The following ITPKB variants were observed in gnomAD, a reference collection of about 807,000 sequenced individuals.
ITPKB encodes the protein inositol-trisphosphate 3-kinase B.
A neutral mutation model predicts 69.4 loss-of-function variants in ITPKB; 13 were observed. That is an observed-to-expected ratio of 0.19 (90% confidence interval 0.12 to 0.30). The LOEUF (loss-of-function observed/expected upper bound fraction) is 0.30. Ranked by LOEUF, ITPKB falls within the 10% of genes least tolerant of loss-of-function variation. The probability of loss-of-function intolerance (pLI) is 1.00; values close to 1 mark genes in which losing one functional copy is unlikely to be tolerated. For missense variants in ITPKB, 1,240 were observed against 1,250.5 expected, an observed-to-expected ratio of 0.99 and a Z score of 0.13; for synonymous variants, 584 against 513.7, an observed-to-expected ratio of 1.14 and a Z score of -1.85.
intron 2 of ITPKB, among the ~76,000 whole-genome samples, chr1:226,720,116 A>T (rs1031720132): frequency 6.6e-6 from 1 of 152,232 alleles, no homozygotes; most frequent in Non-Finnish European, 1.5e-5. Context: ...ACAAAGGCCC[A>T]TTCATTTATA....
chr1:226,736,583 T>C lies in ITPKB; in HGVS notation c.876A>G (p.Ser292=), dbSNP rs1254638290. The change falls in exon 2 of 8, where the codon TCA becomes TCG. Residue 292 remains serine, a synonymous_variant. Transcript: ENST00000429204. ...TTAAGCTAGCTCCGAACAGCCCCAA[T>C]GAGGGAGCTAGGCAGCTCCGAGTTC... ...TPGTRSCLAP[S]LGLFGASLTM... The C allele has an allele frequency of 1.2e-6, 2 of 1,613,878 alleles. No individual in the cohort carries two copies. Among genetic ancestry groups the C allele is most frequent in the Non-Finnish European group, 8.5e-7 (1 of 1,180,016 alleles).
chr1:226,721,082 G>A (rs1038974850), intron 2 of ITPKB, among the ~76,000 whole-genome samples: 1 of 151,522 alleles, frequency 6.6e-6, no homozygotes, highest in Non-Finnish European at 1.5e-5. Context: ...AGTGGTTCAC[G>A]CCTATAATCC....
chr1:226,635,137 CT>C lies in ITPKB; in HGVS notation c.2626-252del, dbSNP rs1292744165. Among the ~76,000 whole-genome samples the C allele has an allele frequency of 2.0e-5, 3 of 152,280 alleles. No homozygotes were observed. The East Asian group carries it at 5.8e-4, about 29-fold the overall frequency. On this transcript the variant is annotated intron_variant, in intron 7 of 7. Transcript: ENST00000429204. The stretch of plus-strand genomic sequence containing the variant: ...GCAGCAGCAGGCACCCCTTCACCCC[CT>C]GACTCTGGCCTGCACACTTTCCACT...
intron 5 of ITPKB, among the ~76,000 whole-genome samples, chr1:226,640,950 G>A (rs770792017): frequency 1.3e-5 from 2 of 152,146 alleles, no homozygotes; most frequent in African/African-American, 4.8e-5. Context: ...CAGGACCATC[G>A]GCTGCCCAAC....
intron 2 of ITPKB, among the ~76,000 whole-genome samples, chr1:226,708,895 T>C (rs1656876090): frequency 6.6e-6 from 1 of 152,248 alleles, no homozygotes; most frequent in African/African-American, 2.4e-5. Flanking sequence ...TGGCAGGCCA[T>C]GCTGCCCTAG....
chr1:226,704,743 G>A (rs898903438), intron 2 of ITPKB, among the ~76,000 whole-genome samples: 2 of 152,188 alleles, frequency 1.3e-5, no homozygotes, highest in African/African-American at 2.4e-5. Context: ...ACAATGCTGT[G>A]CCCAGTCTAA....
At chr1:226,723,975 C>T (rs897344704) in intron 2 of ITPKB, among the ~76,000 whole-genome samples, 152 of 152,252 alleles carry the variant, frequency 1.0e-3, no homozygotes, top group African/African-American at 3.6e-3. Context: ...CAACGTGACT[C>T]GAGCCAATTG....
intron 2 of ITPKB, among the ~76,000 whole-genome samples, chr1:226,650,072 A>C (rs1558302991): frequency 6.6e-6 from 1 of 152,162 alleles, no homozygotes; most frequent in Non-Finnish European, 1.5e-5. Context: ...TGAGGGTGGT[A>C]CTGCCTGACA....
At chr1:226,707,455 C>G in intron 2 of ITPKB, 1 of 871,738 alleles carries the variant, frequency 1.1e-6, no homozygotes, top group African/African-American at 1.8e-5. Flanking sequence ...CCTTGGCCTC[C>G]TAAAGTGCTG....
chr1:226,714,044 A>G (rs1657037231), intron 2 of ITPKB, among the ~76,000 whole-genome samples: 1 of 152,182 alleles, frequency 6.6e-6, no homozygotes, highest in Non-Finnish European at 1.5e-5. Flanking sequence ...AGAGCAGACA[A>G]TGAGTTGTGT....
chr1:226,735,751 T>C lies in ITPKB; in HGVS notation c.1708A>G (p.Ile570Val), dbSNP rs1315239053. The C allele has an allele frequency of 6.3e-7, 1 of 1,594,806 alleles. No individual in the cohort carries two copies. The highest frequency in any genetic ancestry group is 1.3e-5 in the African/African-American group (1 of 74,634). ...ACSPSNIPAV[I>V]ITDMGTQEDG... ...TCCTGGGTGCCCATGTCTGTAATGA[T>C]GACAGCAGGTATGTTGCTGGGGCTG... The change falls in exon 2 of 8, where the codon ATC becomes GTC. Residue 570 changes from isoleucine (I) to valine (V), a missense_variant. Physicochemically the swap from Ile to Val is conservative, Grantham distance 29. Transcript: ENST00000429204.
At chr1:226,722,658 C>T (rs546256343) in intron 2 of ITPKB, among the ~76,000 whole-genome samples, 2 of 151,524 alleles carry the variant, frequency 1.3e-5, no homozygotes, top group Admixed American at 6.6e-5. Flanking sequence ...AACACTGCCA[C>T]GTGCTAACAA....
intron 2 of ITPKB, among the ~76,000 whole-genome samples, chr1:226,679,520 C>G (rs937867178): frequency 1.3e-5 from 2 of 152,204 alleles, no homozygotes; most frequent in African/African-American, 4.8e-5. Flanking sequence ...ATGCTGTGTT[C>G]TTGGGATAGT....
chr1:226,643,599 A>G (rs1669006630), intron 4 of ITPKB, among the ~76,000 whole-genome samples: 1 of 152,208 alleles, frequency 6.6e-6, no homozygotes, highest in Non-Finnish European at 1.5e-5. Flanking sequence ...GACTAAACAA[A>G]AACTACAGCC....
At chr1:226,664,284 A>C (rs2102759994) in intron 2 of ITPKB, among the ~76,000 whole-genome samples, 1 of 152,350 alleles carries the variant, frequency 6.6e-6, no homozygotes, top group East Asian at 1.9e-4. Flanking sequence ...GAACACAGGC[A>C]TGAGAGAGGC....
Position 226,736,456 on chromosome 1 carries a change from C to T in ITPKB, c.1003G>A (p.Asp335Asn). The change falls in exon 2 of 8, where the codon GAC becomes AAC. Residue 335 changes from aspartate to asparagine, a missense_variant. Physicochemically the swap from Asp to Asn is conservative, Grantham distance 23. Around this residue, in one of 2 missense-constraint regions of ITPKB, gnomAD observed 992 missense variants for 853.8 expected, o/e 1.16. Coordinates refer to ENST00000429204, the MANE Select transcript of ITPKB (RefSeq NM_002221.4). ...ACCAGGGCCTCTGGGGGCTGCAGGT[C>T]CTCAAGCTCACGGGCTCTCCCAGAC... ...EPSGRARELE[D>N]LQPPEALVER... 2.5e-6 allele frequency: 4 copies of T among 1,613,710 alleles called. No individual in the cohort carries two copies. The African/African-American group carries it at 4.0e-5, about 16-fold the overall frequency.
At chr1:226,647,411 T>A (rs1669083314) in intron 3 of ITPKB, 31 bp from the exon 4 acceptor site, 1 of 1,557,754 alleles carries the variant, frequency 6.4e-7, no homozygotes, top group Non-Finnish European at 8.8e-7. Flanking sequence ...GTTCCTGGTC[T>A]CCGGCTGCAG....
At position 226,736,039 on chromosome 1, in the gene ITPKB, T is replaced by G. The variant is rs777386050; in HGVS notation, c.1420A>C (p.Arg474=). Reference sequence around the variant, plus strand: ...CAACAGGGCAAAGGCTCCAGCATTCTGCCAGAAGGAATTCCCGCCTCCACA... The same window carrying G: ...CAACAGGGCAAAGGCTCCAGCATTCGGCCAGAAGGAATTCCCGCCTCCACA... ...GNVEAGIPSG[R]MLEPLPCWDA... Residue 474 remains arginine, a synonymous_variant, in exon 2 of 8, where the codon AGA becomes CGA. Coordinates refer to ENST00000429204, the MANE Select transcript of ITPKB (RefSeq NM_002221.4). The G allele has an allele frequency of 6.2e-7, 1 of 1,613,646 alleles. No individual in the cohort carries two copies. The highest frequency in any genetic ancestry group is 8.5e-7 in the Non-Finnish European group (1 of 1,180,020).
chr1:226,734,821 A>G (rs1331215638), intron 2 of ITPKB, among the ~76,000 whole-genome samples: 1 of 152,254 alleles, frequency 6.6e-6, no homozygotes, highest in Non-Finnish European at 1.5e-5. Flanking sequence ...ATTAGGAGGT[A>G]CCTACTCCGG....
Sources: allele counts gnomAD v4.1 joint callset (sites outside exome capture counted in the v4.1 genomes callset), GRCh38; gene constraint gnomAD v4.1.1; regional missense constraint gnomAD v4.1.1; transcripts MANE v1.5; gene names NCBI Gene and HGNC (gene_info 2026-07-23, HGNC 2026-07-21).